Variants in OLFM1 observed in about 807,000 individuals in gnomAD.
OLFM1 encodes noelin.
In OLFM1, 9 loss-of-function variants were observed where a neutral mutation model predicts 49.7. The observed-to-expected ratio is 0.18, with a 90% CI of 0.11 to 0.32. The LOEUF is 0.32. Ranked by LOEUF, OLFM1 falls within the 10% of genes least tolerant of loss-of-function variation. The pLI is 1.00. For synonymous variants in OLFM1, 240 were observed against 271.8 expected (o/e 0.88, Z 1.15); for missense variants, 369 against 661.8 (o/e 0.56, Z 4.85).
intron 1 of OLFM1, among the ~76,000 whole-genome samples, chr9:135,079,986 A>G (rs1830512673): frequency 1.3e-5 from 2 of 151,934 alleles, no homozygotes; most frequent in African/African-American, 4.8e-5. Flanking sequence ...CAGACCCGGG[A>G]CTGCACTTGG....
chr9:135,083,000 C>A (rs921797321), upstream of OLFM1, among the ~76,000 whole-genome samples: 2 of 152,198 alleles, frequency 1.3e-5, no homozygotes, highest in African/African-American at 4.8e-5. Flanking sequence ...GGGGCATTTT[C>A]CACATTCCCA....
intron 1 of OLFM1, chr9:135,077,495 C>T (rs746011574): frequency 1.0e-5 from 4 of 383,428 alleles, no homozygotes; most frequent in Non-Finnish European, 1.8e-5. Flanking sequence ...ATTTGTCCAT[C>T]CACACGAAGG....
At chr9:135,087,613 C>A, upstream of OLFM1, 2 of 708,054 alleles carry the variant, frequency 2.8e-6, no homozygotes. Flanking sequence ...TCGGTCCCGC[C>A]CGGCCGAGCC....
At position 135,080,929 on chromosome 9, in the gene OLFM1, T is replaced by A. The variant is rs1416151441; in HGVS notation, c.96+5127T>A. Among the ~76,000 whole-genome samples the A allele has an allele frequency of 6.6e-6, 1 of 151,530 alleles. No individual in the cohort carries two copies. The highest frequency in any genetic ancestry group is 1.5e-5 in the Non-Finnish European group (1 of 67,936). ...GGAAGTAAAAATGCACACCTCTGAG[T>A]TTTTTTAGATTATTAAAATAATAAT... On this transcript the variant is annotated intron_variant, in intron 1 of 5. Coordinates refer to the OLFM1 transcript ENST00000252854. The surrounding 1 kb of genome is among the most constrained non-coding windows in gnomAD (Gnocchi z 4.5).
At chr9:135,091,653 TCA>T (rs72348057) in intron 2 of OLFM1, among the ~76,000 whole-genome samples, 2,807 of 22,014 alleles carry the variant, frequency 0.13, 361 homozygotes, top group Non-Finnish European at 0.14. Flanking sequence ...ACTCACATAG[TCA>T]CACACACACA....
At chr9:135,110,850 C>T (rs1414348896) in intron 5 of OLFM1, among the ~76,000 whole-genome samples, 2 of 152,212 alleles carry the variant, frequency 1.3e-5, no homozygotes, top group Non-Finnish European at 2.9e-5. Context: ...TCTGTCAGGA[C>T]GACATGTGAC....
intron 4 of OLFM1, 108 bp from the exon 5 acceptor site, chr9:135,106,641 A>C (rs1395861351): frequency 3.3e-5 from 25 of 754,174 alleles, no homozygotes; most frequent in Non-Finnish European, 4.6e-5. Flanking sequence ...CGAGGGCAAG[A>C]GGAGAAGCCG....
intron 4 of OLFM1, among the ~76,000 whole-genome samples, chr9:135,102,261 A>G (rs998445163): frequency 6.6e-6 from 1 of 152,088 alleles, no homozygotes; most frequent in African/African-American, 2.4e-5. Context: ...TGACCCTGAG[A>G]TGTGAGAAAG....
rs373065602 is a variant in OLFM1 at position 135,119,872 on chromosome 9, C to T, written c.1152C>T (p.Pro384=). Residue 384 remains proline, a synonymous_variant, in exon 6 of 6, where the codon CCC becomes CCT. Coordinates refer to ENST00000371793, the MANE Select transcript of OLFM1 (RefSeq NM_001282611.2). ...AGNIVVSRLD[P]VSLQTLQTWN... ...ACATCGTGGTCAGTAGGCTGGACCC[C>T]GTGTCCCTGCAGACCCTGCAGACCT... The T allele has an allele frequency of 1.4e-5, 23 of 1,613,484 alleles. No individual in the cohort carries two copies. Among genetic ancestry groups the T allele is most frequent in the African/African-American group, 2.7e-5 (2 of 74,922 alleles).
intron 1 of OLFM1, chr9:135,077,150 G>C: frequency 1.3e-6 from 2 of 1,509,072 alleles, no homozygotes; most frequent in Non-Finnish European, 1.8e-6. Flanking sequence ...TCATTCATGT[G>C]CACACACACA....
chr9:135,112,939 G>A (rs1464153475), intron 5 of OLFM1, among the ~76,000 whole-genome samples: 1 of 152,190 alleles, frequency 6.6e-6, no homozygotes, highest in Non-Finnish European at 1.5e-5. Context: ...GGGAGCTGCT[G>A]TCTCCTTCAT....
Position 135,087,707 on chromosome 9 carries a change from G to A in OLFM1, c.-283G>A, listed in dbSNP as rs959847099. On this transcript the variant is annotated 5_prime_UTR_variant, in exon 1 of 6. Coordinates refer to ENST00000371793, the MANE Select transcript of OLFM1 (RefSeq NM_001282611.2). Reference sequence around the variant, plus strand: ...CTTCCCGGTGGCGGCGGAGGAGCCCGGAGGGACGCAGCCGGGCAAGGCAGG... The same window carrying A: ...CTTCCCGGTGGCGGCGGAGGAGCCCAGAGGGACGCAGCCGGGCAAGGCAGG... 7.5e-6 allele frequency: 3 copies of A among 400,596 alleles called. No homozygotes were observed. Among genetic ancestry groups the A allele is most frequent in the Non-Finnish European group, 1.0e-5 (3 of 286,776 alleles). 24.8% of individuals were successfully genotyped at this position (400,596 alleles called of 1,614,324 possible).
intron 5 of OLFM1, among the ~76,000 whole-genome samples, chr9:135,109,367 A>G (rs1830990567): frequency 6.6e-6 from 1 of 152,200 alleles, no homozygotes; most frequent in South Asian, 2.1e-4. Flanking sequence ...GCTTTTGATC[A>G]TTAGGCATCT....
Position 135,091,597 on chromosome 9 carries a change from ACT to A in OLFM1, c.300+1255_300+1256del, listed in dbSNP as rs796687911. ...CACAGTCACACACTCACAGTCACACACTCACACATAGTCACACAGTCACACAC... is the reference window on the plus strand; with the variant it reads ...CACAGTCACACACTCACAGTCACACACACACATAGTCACACAGTCACACAC... On this transcript the variant is annotated intron_variant, in intron 2 of 5. Transcript: ENST00000371793. 7.0e-3 allele frequency among the ~76,000 whole-genome samples: 1,047 copies of A among 148,582 alleles called. 16 individuals carry two copies. Among genetic ancestry groups the A allele is most frequent in the African/African-American group, 0.024 (940 of 38,904 alleles).
At chr9:135,084,139 T>C (rs1830566085), upstream of OLFM1, among the ~76,000 whole-genome samples, 1 of 152,230 alleles carries the variant, frequency 6.6e-6, no homozygotes, top group Non-Finnish European at 1.5e-5. The surrounding 1 kb of genome is among the most constrained non-coding windows in gnomAD (Gnocchi z 4.6). Context: ...CCAGGGGACC[T>C]GTGGCTCCTC....
intron 1 of OLFM1, among the ~76,000 whole-genome samples, chr9:135,078,156 C>T (rs1830491337): frequency 6.6e-6 from 1 of 152,206 alleles, no homozygotes; most frequent in African/African-American, 2.4e-5. Flanking sequence ...CAATGCTGCT[C>T]ATATTTGTGA....
intron 4 of OLFM1, among the ~76,000 whole-genome samples, chr9:135,100,246 G>A (rs183138317): frequency 2.0e-4 from 30 of 152,334 alleles, no homozygotes; most frequent in Admixed American, 1.4e-3. Flanking sequence ...GTTGCAAATA[G>A]TGAGAAGCCA....
In OLFM1 at chr9:135,088,266, G is replaced by A; in HGVS notation, c.150+127G>A. On this transcript the variant is annotated intron_variant, in intron 1 of 5. Coordinates refer to ENST00000371793, the MANE Select transcript of OLFM1 (RefSeq NM_001282611.2). The surrounding 1 kb of genome is among the most constrained non-coding windows in gnomAD (Gnocchi z 4.8). ...GAGTCGCCCAGGGAGGCGGCGGGGA[G>A]CAGGGCGGGCAAGGGCAGGCGTCGC... 1 of 917,888 alleles carries A rather than the reference G, an allele frequency of 1.1e-6. No individual in the cohort carries two copies. Among genetic ancestry groups the A allele is most frequent in the Non-Finnish European group, 1.4e-6 (1 of 713,792 alleles). 56.9% of individuals were successfully genotyped at this position (917,888 alleles called of 1,614,324 possible).
intron 2 of OLFM1, among the ~76,000 whole-genome samples, chr9:135,093,262 T>C (rs1054040393): frequency 6.6e-6 from 1 of 152,174 alleles, no homozygotes; most frequent in Admixed American, 6.5e-5. Flanking sequence ...ACACAGATAG[T>C]GGCAGGCGTG....
Sources: gnomAD v4.1 joint callset for allele counts (sites outside exome capture counted in the v4.1 genomes callset) on GRCh38, gnomAD v4.1.1 for gene constraint, Gnocchi (gnomAD v3.1) non-coding constraint, MANE v1.5 for transcripts, NCBI Gene and HGNC (gene_info 2026-07-23, HGNC 2026-07-21) for gene names.